AKT3: variants seen among roughly 807,000 people sequenced by gnomAD.
AKT3 encodes the protein AKT serine/threonine kinase 3.
In AKT3, 15 loss-of-function variants were observed where a neutral mutation model predicts 65.3. The observed-to-expected ratio is 0.23, with a 90% CI of 0.15 to 0.35. The LOEUF (loss-of-function observed/expected upper bound fraction) is 0.35, where lower values mean the gene tolerates loss of function less well. Ranked by LOEUF, AKT3 falls within the 10% of genes least tolerant of loss-of-function variation. The probability of loss-of-function intolerance (pLI) is 1.00; values close to 1 mark genes in which losing one functional copy is unlikely to be tolerated. For synonymous variants in AKT3, 206 were observed against 183.8 expected, an observed-to-expected ratio of 1.12 and a Z score of -0.98; for missense variants, 243 against 576.5, an observed-to-expected ratio of 0.42 and a Z score of 5.92.
intron 6 of AKT3, among the ~76,000 whole-genome samples, chr1:243,637,138 GT>G (rs1364907681): frequency 6.6e-6 from 1 of 152,046 alleles, no homozygotes; most frequent in Non-Finnish European, 1.5e-5. Context: ...AGGTATGGGG[GT>G]GGGAAGTAAG....
At chr1:243,593,948 CAGAT>C (rs561507382) in intron 8 of AKT3, among the ~76,000 whole-genome samples, 409 of 152,220 alleles carry the variant, frequency 2.7e-3, no homozygotes, top group Middle Eastern at 6.8e-3. Flanking sequence ...GATGCATAGA[CAGAT>C]AGACAATTAA....
chr1:243,641,938 A>C (rs1285576605), intron 5 of AKT3, among the ~76,000 whole-genome samples: 1 of 152,152 alleles, frequency 6.6e-6, no homozygotes, highest in Non-Finnish European at 1.5e-5. Flanking sequence ...CCTTGTCTCA[A>C]ATGAAAATAA....
intron 3 of AKT3, among the ~76,000 whole-genome samples, chr1:243,675,155 C>T (rs1259825999): frequency 6.6e-6 from 1 of 152,172 alleles, no homozygotes; most frequent in Non-Finnish European, 1.5e-5. Flanking sequence ...ATACATACCA[C>T]AGTGAAATAA....
At chr1:243,824,082 T>C (rs1017986670) in intron 2 of AKT3, among the ~76,000 whole-genome samples, 11 of 151,972 alleles carry the variant, frequency 7.2e-5, no homozygotes, top group Non-Finnish European at 1.2e-4. Flanking sequence ...CGGAATAAAA[T>C]AGAAATCTCA....
At chr1:243,714,122 G>A in intron 2 of AKT3, among the ~76,000 whole-genome samples, 1 of 152,158 alleles carries the variant, frequency 6.6e-6, no homozygotes, top group East Asian at 1.9e-4. Flanking sequence ...CATATGGTGA[G>A]CATTTATCCT....
intron 12 of AKT3, among the ~76,000 whole-genome samples, chr1:243,517,206 A>T (rs1670417722): frequency 6.6e-6 from 1 of 152,136 alleles, no homozygotes; most frequent in African/African-American, 2.4e-5. Flanking sequence ...AATCCTTTAA[A>T]ATTCATGGAG....
chr1:243,773,346 A>C (rs560379345), intron 2 of AKT3, among the ~76,000 whole-genome samples: 4 of 152,194 alleles, frequency 2.6e-5, no homozygotes, highest in South Asian at 2.1e-4. Flanking sequence ...AATGACTATG[A>C]AATACTGGCT....
chr1:243,847,616 C>T (rs1417652231), intron 1 of AKT3, among the ~76,000 whole-genome samples: 1 of 152,150 alleles, frequency 6.6e-6, no homozygotes, highest in Admixed American at 6.5e-5. Flanking sequence ...TAAGTCCTTA[C>T]TTTCCACAAG....
intron 12 of AKT3, among the ~76,000 whole-genome samples, chr1:243,527,245 T>C (rs1175256079): frequency 1.3e-5 from 2 of 152,182 alleles, no homozygotes; most frequent in African/African-American, 2.4e-5. Flanking sequence ...ATGTAATCAG[T>C]TGCCATCCTA....
Position 243,804,708 on chromosome 1 carries a change from G to T in AKT3, c.46+38417C>A, listed in dbSNP as rs562433431. The stretch of plus-strand genomic sequence containing the variant: ...AAAAAATACAAAAAATTAGCCGGGC[G>T]TGGTGGCAGGCACCTGTAGTCCCAG... On this transcript the variant is annotated intron_variant, in intron 2 of 13. Transcript: ENST00000673466. Among the ~76,000 whole-genome samples the T allele has an allele frequency of 3.9e-4, 60 of 152,098 alleles. No homozygotes were observed. The South Asian group carries it at 9.0e-3, about 23-fold the overall frequency.
chr1:243,843,408 A>T (rs1475410104), intron 1 of AKT3, 126 bp from the exon 2 acceptor site: 1 of 1,127,614 alleles, frequency 8.9e-7, no homozygotes, highest in Non-Finnish European at 1.1e-6. Flanking sequence ...TGGCTCTTCA[A>T]ACTGGGGAAC....
chr1:243,505,857 A>G (rs1477701044), intron 13 of AKT3, among the ~76,000 whole-genome samples: 1 of 152,258 alleles, frequency 6.6e-6, no homozygotes, highest in Non-Finnish European at 1.5e-5. Flanking sequence ...TTTCCCTATG[A>G]TAAAACTTTA....
chr1:243,579,865 A>G (rs1280149459), intron 8 of AKT3, among the ~76,000 whole-genome samples: 1 of 152,228 alleles, frequency 6.6e-6, no homozygotes, highest in East Asian at 1.9e-4. Context: ...TAGTGCAACA[A>G]TAATTAACTC....
intron 12 of AKT3, among the ~76,000 whole-genome samples, chr1:243,519,883 T>C (rs1180329133): frequency 2.0e-5 from 3 of 152,230 alleles, no homozygotes; most frequent in Admixed American, 6.5e-5. Flanking sequence ...TCTTTAGGGA[T>C]GAACTAACTA....
chr1:243,832,539 T>A (rs1049640087), intron 2 of AKT3, among the ~76,000 whole-genome samples: 13 of 152,234 alleles, frequency 8.5e-5, no homozygotes, highest in African/African-American at 1.2e-4. Context: ...ATATAAAGAA[T>A]GACAATTTGA....
chr1:243,663,248 G>A (rs1682508830), intron 4 of AKT3, among the ~76,000 whole-genome samples: 1 of 152,234 alleles, frequency 6.6e-6, no homozygotes, highest in African/African-American at 2.4e-5. Context: ...TAAGTACCTA[G>A]CAGGGGAACC....
At chr1:243,585,143 C>T (rs115430437) in intron 8 of AKT3, among the ~76,000 whole-genome samples, 3,810 of 151,626 alleles carry the variant, frequency 0.025, 52 homozygotes, top group Non-Finnish European at 0.041. Context: ...ACAATAGCCA[C>T]ACACACAAAA....
intron 3 of AKT3, among the ~76,000 whole-genome samples, chr1:243,665,689 T>C (rs1682718033): frequency 6.6e-6 from 1 of 152,226 alleles, no homozygotes; most frequent in Non-Finnish European, 1.5e-5. Flanking sequence ...CATCATAGAA[T>C]TGATGTAGGA....
intron 2 of AKT3, among the ~76,000 whole-genome samples, chr1:243,737,851 C>A (rs1176758648): frequency 6.6e-6 from 1 of 152,082 alleles, no homozygotes; most frequent in South Asian, 2.1e-4. Flanking sequence ...TAAAATTGAT[C>A]TAGACTAAAG....
Sources: gnomAD v4.1 joint callset for allele counts (sites outside exome capture counted in the v4.1 genomes callset) on GRCh38, gnomAD v4.1.1 for gene constraint, MANE v1.5 for transcripts, NCBI Gene and HGNC (gene_info 2026-07-23, HGNC 2026-07-21) for gene names.